GTPBP10: variants seen among roughly 807,000 people sequenced by gnomAD.
The protein encoded by GTPBP10 is GTP-binding protein 10.
GTPBP10 carries 38 observed loss-of-function variants against 44.8 expected under a neutral mutation model. That is an observed-to-expected ratio of 0.85 (90% CI 0.65 to 1.11). The LOEUF is 1.11. Among genes scored for constraint, GTPBP10 ranks in the 50% most tolerant of loss-of-function variants. The pLI is 0.00. For synonymous variants in GTPBP10, 152 were observed against 150.6 expected (o/e 1.01, Z -0.07); for missense variants, 462 against 453.7 (o/e 1.02, Z -0.17).
chr7:90,350,201 A>G (rs1235264030), intron 1 of GTPBP10, among the ~76,000 whole-genome samples: 2 of 152,194 alleles, frequency 1.3e-5, no homozygotes, highest in African/African-American at 4.8e-5. Flanking sequence ...TAGTTTGGTC[A>G]GAATGATGGT....
intron 4 of GTPBP10, among the ~76,000 whole-genome samples, chr7:90,368,307 C>T (rs1448577344): frequency 6.6e-6 from 1 of 152,096 alleles, no homozygotes; most frequent in African/African-American, 2.4e-5. Context: ...CTCCGTATTT[C>T]CTGAATTTGA....
chr7:90,375,648 A>G (rs541789032), intron 6 of GTPBP10, among the ~76,000 whole-genome samples: 3 of 152,280 alleles, frequency 2.0e-5, no homozygotes, highest in South Asian at 4.1e-4. Flanking sequence ...CGAATTTTTA[A>G]GGGAAATCAG....
chr7:90,372,935 T>C (rs1241208182), intron 5 of GTPBP10, among the ~76,000 whole-genome samples: 14 of 152,150 alleles, frequency 9.2e-5, no homozygotes, highest in Non-Finnish European at 2.1e-4. Context: ...CTAATAAATA[T>C]AAGGGAATAT....
At chr7:90,348,151 C>CA (rs1795717573) in intron 1 of GTPBP10, among the ~76,000 whole-genome samples, 1 of 152,138 alleles carries the variant, frequency 6.6e-6, no homozygotes, top group African/African-American at 2.4e-5. Flanking sequence ...TTTGAGGCTG[C>CA]AGCAATGATA....
intron 1 of GTPBP10, among the ~76,000 whole-genome samples, chr7:90,351,436 A>G (rs1795789607): frequency 6.6e-6 from 1 of 152,170 alleles, no homozygotes; most frequent in Admixed American, 6.5e-5. Flanking sequence ...ATTAAGATAG[A>G]TATGTGTATA....
chr7:90,352,007 T>C (rs984414574), intron 1 of GTPBP10, among the ~76,000 whole-genome samples: 13 of 152,232 alleles, frequency 8.5e-5, no homozygotes. Flanking sequence ...ATAAGCATTT[T>C]TTTAATGCAT....
chr7:90,357,445 T>A (rs1235826502), intron 4 of GTPBP10, among the ~76,000 whole-genome samples: 1 of 152,156 alleles, frequency 6.6e-6, no homozygotes, highest in African/African-American at 2.4e-5. Context: ...AACAAGTCAT[T>A]AAGAAACCTC....
chr7:90,348,854 T>C (rs1795734906), intron 1 of GTPBP10, among the ~76,000 whole-genome samples: 1 of 152,188 alleles, frequency 6.6e-6, no homozygotes, highest in Non-Finnish European at 1.5e-5. Context: ...TCCTGAACAA[T>C]AGGAGCTCTT....
chr7:90,367,806 A>G (rs1226847735), intron 4 of GTPBP10, among the ~76,000 whole-genome samples: 3 of 152,070 alleles, frequency 2.0e-5, no homozygotes, highest in African/African-American at 7.2e-5. Context: ...GTTATGTGTA[A>G]ATTTGATCCT....
At chr7:90,362,208 C>T (rs1042900692) in intron 4 of GTPBP10, among the ~76,000 whole-genome samples, 1 of 151,974 alleles carries the variant, frequency 6.6e-6, no homozygotes, top group Non-Finnish European at 1.5e-5. Flanking sequence ...TTCTCTAGTT[C>T]TTTTAACTGT....
At chr7:90,364,133 C>T (rs1796084561) in intron 4 of GTPBP10, among the ~76,000 whole-genome samples, 1 of 152,220 alleles carries the variant, frequency 6.6e-6, no homozygotes, top group African/African-American at 2.4e-5. Context: ...CTTCTCTCAA[C>T]TCATCAAAGT....
intron 1 of GTPBP10, 140 bp from the exon 2 acceptor site, chr7:90,352,676 A>G (rs1795813038): frequency 1.8e-6 from 1 of 567,194 alleles, no homozygotes; most frequent in Admixed American, 3.3e-5. Context: ...GAGGTGAGCT[A>G]AGAAAATGTT....
At chr7:90,358,664 C>T (rs1795951962) in intron 4 of GTPBP10, among the ~76,000 whole-genome samples, 1 of 152,068 alleles carries the variant, frequency 6.6e-6, no homozygotes, top group Non-Finnish European at 1.5e-5. Context: ...AAAAATTCTA[C>T]AACACTTAGG....
intron 4 of GTPBP10, among the ~76,000 whole-genome samples, chr7:90,361,447 G>T (rs551485306): frequency 6.6e-6 from 1 of 152,124 alleles, no homozygotes; most frequent in African/African-American, 2.4e-5. Flanking sequence ...ATTGCTTTGC[G>T]TATGTTGAAC....
intron 4 of GTPBP10, among the ~76,000 whole-genome samples, chr7:90,362,412 G>C (rs1270098251): frequency 6.6e-6 from 1 of 152,146 alleles, no homozygotes; most frequent in Non-Finnish European, 1.5e-5. Flanking sequence ...TTCAGGAGCA[G>C]GTTATTCAGT....
At chr7:90,372,067 A>G (rs1395670297) in intron 4 of GTPBP10, 88 bp from the exon 5 acceptor site, 1 of 757,960 alleles carries the variant, frequency 1.3e-6, no homozygotes, top group Non-Finnish European at 2.2e-6. Flanking sequence ...TTTTAATCCC[A>G]AATATATTCA....
Position 90,372,482 on chromosome 7 carries a change from C to CTTTTTTTTTTTTTTTTTTTTTTTTT in GTPBP10, c.538+269_538+270insTTTTTTTTTTTTTTTTTTTTTTTTT, listed in dbSNP as rs757973599. Reference sequence around the variant, plus strand: ...GGTATGTGCCACCATGCTTGGCTAACTTTTTTTTTTTTTTTGTGGGGACAG... The same window carrying CTTTTTTTTTTTTTTTTTTTTTTTTT: ...GGTATGTGCCACCATGCTTGGCTAACTTTTTTTTTTTTTTTTTTTTTTTTTTTTTTTTTTTTTTTTGTGGGGACAG... On this transcript the variant is annotated intron_variant, in intron 5 of 9. Transcript: ENST00000222511. Among the ~76,000 whole-genome samples the CTTTTTTTTTTTTTTTTTTTTTTTTT allele has an allele frequency of 1.6e-4, 18 of 112,200 alleles. 2 individuals carry two copies. The highest frequency in any genetic ancestry group is 6.7e-4 in the African/African-American group (17 of 25,272). 73.6% of individuals were successfully genotyped at this position (112,200 alleles called of 152,430 possible).
At chr7:90,375,346 A>G (rs1796326760) in intron 6 of GTPBP10, among the ~76,000 whole-genome samples, 1 of 152,190 alleles carries the variant, frequency 6.6e-6, no homozygotes, top group Admixed American at 6.5e-5. Context: ...GTGTTGCTGT[A>G]ATGGTAGACA....
intron 6 of GTPBP10, among the ~76,000 whole-genome samples, chr7:90,377,286 T>G (rs1259672644): frequency 6.6e-6 from 1 of 152,204 alleles, no homozygotes; most frequent in African/African-American, 2.4e-5. Flanking sequence ...CCTAGATTAT[T>G]AGATTAATAG....
Sources: gnomAD v4.1 joint callset for allele counts (sites outside exome capture counted in the v4.1 genomes callset) on GRCh38, gnomAD v4.1.1 for gene constraint, MANE v1.5 for transcripts, NCBI Gene and HGNC (gene_info 2026-07-23, HGNC 2026-07-21) for gene names.